Variants in BRWD1 observed in about 807,000 individuals in gnomAD.
BRWD1 encodes the protein bromodomain and WD repeat domain containing 1.
In BRWD1, 82 loss-of-function variants were observed where a neutral mutation model predicts 251.2. The observed-to-expected ratio is 0.33, with a 90% confidence interval of 0.27 to 0.39. The LOEUF (loss-of-function observed/expected upper bound fraction) is 0.39, where lower values mean the gene tolerates loss of function less well. Ranked by LOEUF, BRWD1 falls within the 10% of genes least tolerant of loss-of-function variation. The probability of loss-of-function intolerance (pLI) is 1.00; values close to 1 mark genes in which losing one functional copy is unlikely to be tolerated. For synonymous variants in BRWD1, 918 were observed against 902.8 expected, an observed-to-expected ratio of 1.02 and a Z score of -0.30; for missense variants, 2,233 against 2,711.6, an observed-to-expected ratio of 0.82 and a Z score of 3.92.
chr21:39,246,750 T>C (rs558798411), intron 21 of BRWD1, among the ~76,000 whole-genome samples: 7 of 152,236 alleles, frequency 4.6e-5, no homozygotes, highest in African/African-American at 7.2e-5. Flanking sequence ...GAGAAAACAT[T>C]ATGCAATGTC....
chr21:39,314,897 G>GA (rs1386669116), upstream of BRWD1: 1 of 153,754 alleles, frequency 6.5e-6, no homozygotes, highest in East Asian at 1.9e-4. Context: ...CTAGTAAACA[G>GA]ATAATATTTG....
At position 39,311,510 on chromosome 21, in the gene BRWD1, T is replaced by A. The variant is rs919824760; in HGVS notation, c.198+1331A>T. Among the ~76,000 whole-genome samples, 9 of 152,344 alleles carry A rather than the reference T, an allele frequency of 5.9e-5. No individual in the cohort carries two copies. In the East Asian group the frequency reaches 1.7e-3, roughly 29 times the overall value. ...CAGTAGTTACAGCACTACATTTGTT[T>A]CAAGTTATTTTCTCTCAGGTAGCAC... On this transcript the variant is annotated intron_variant, in intron 4 of 40. Transcript: ENST00000342449.
rs1383649664 is a variant in BRWD1 at position 39,274,568 on chromosome 21, G to A, written c.1146-96C>T. On this transcript the variant is annotated intron_variant, in intron 12 of 40. Transcript: ENST00000342449. ...TGCAAAAAAAGAATGTAATGAAGCTGTCCTAACAACAGGACAATCCACAGG... is the reference window on the plus strand; with the variant it reads ...TGCAAAAAAAGAATGTAATGAAGCTATCCTAACAACAGGACAATCCACAGG... The A allele has an allele frequency of 3.0e-6, 3 of 988,192 alleles. No individual in the cohort carries two copies. In the African/African-American group the frequency reaches 4.8e-5, roughly 16 times the overall value. 61.2% of individuals were successfully genotyped at this position (988,192 alleles called of 1,614,324 possible).
chr21:39,206,372 A>ACTGC (rs2032390840), intron 36 of BRWD1, 98 bp from the exon 37 acceptor site: 1 of 915,896 alleles, frequency 1.1e-6, no homozygotes, highest in Non-Finnish European at 1.6e-6. Context: ...GTATTATATC[A>ACTGC]CTGCTTATAG....
At chr21:39,304,245 AGTG>A (rs1435740917) in intron 4 of BRWD1, among the ~76,000 whole-genome samples, 3 of 150,972 alleles carry the variant, frequency 2.0e-5, no homozygotes, top group African/African-American at 7.4e-5. Context: ...AAAAAAAAAA[AGTG>A]AGAGAAAGAA....
chr21:39,205,049 T>A (rs528676930), intron 37 of BRWD1, among the ~76,000 whole-genome samples: 2 of 152,344 alleles, frequency 1.3e-5, no homozygotes, highest in Non-Finnish European at 2.9e-5. Context: ...ATTTTACATA[T>A]TTATAGAATT....
chr21:39,321,016 A>G (rs1418019802), intron 1 of BRWD1: 1 of 152,102 alleles, frequency 6.6e-6, no homozygotes, highest in African/African-American at 2.4e-5. Context: ...AAACCATCCA[A>G]TTAGCTTACC....
In BRWD1 at chr21:39,187,056, C is replaced by A; in HGVS notation, c.*9203G>T. 1 of 1,581,410 alleles carries A rather than the reference C, an allele frequency of 6.3e-7. No homozygotes were observed. The highest frequency in any genetic ancestry group is 8.6e-7 in the Non-Finnish European group (1 of 1,169,302). ...GTGCATTTTCTTTCCAGGATCTGAACCCCCTTAAAAAAAGCATTTTTCTAT... is the reference window on the plus strand; with the variant it reads ...GTGCATTTTCTTTCCAGGATCTGAAACCCCTTAAAAAAAGCATTTTTCTAT... On this transcript the variant is annotated 3_prime_UTR_variant, in exon 41 of 41. Transcript: ENST00000342449.
At position 39,245,892 on chromosome 21, in the gene BRWD1, G is replaced by A. The variant is rs190418681; in HGVS notation, c.2481+1809C>T. On this transcript the variant is annotated intron_variant, in intron 21 of 40. Transcript: ENST00000342449. The stretch of plus-strand genomic sequence containing the variant: ...CCTGGGATTACAGGCATGAGCCACC[G>A]TGCCCGGCCTATTAAATACTCTTTA... 7.9e-5 allele frequency among the ~76,000 whole-genome samples: 12 copies of A among 152,136 alleles called. No individual in the cohort carries two copies. In the East Asian group the frequency reaches 1.2e-3, roughly 15 times the overall value.
chr21:39,276,157 C>T lies in BRWD1; in HGVS notation c.1145+16G>A, dbSNP rs1175387717. 7 of 1,602,516 alleles carry T rather than the reference C, an allele frequency of 4.4e-6. No individual in the cohort carries two copies. Among genetic ancestry groups the T allele is most frequent in the Non-Finnish European group, 3.4e-6 (4 of 1,172,608 alleles). ...GCCTAATAACACACACACACACATA[C>T]AAAACACACACTTACCGATCACCAT... On this transcript the variant is annotated intron_variant, in intron 12 of 40. Transcript: ENST00000342449.
Position 39,196,723 on chromosome 21 carries a change from G to T in BRWD1, c.6346C>A (p.His2116Asn). Residue 2116 changes from histidine to asparagine, a missense_variant, in exon 41 of 41, where the codon CAT becomes AAT. Around this residue, in one of 12 missense-constraint regions of BRWD1, gnomAD observed 928 missense variants for 970.0 expected, o/e 0.96. Coordinates refer to ENST00000342449, the MANE Select transcript of BRWD1 (RefSeq NM_033656.4). ...KAPFSKTKVIHDSQETAEKEV... is the reference protein window; with the variant it reads ...KAPFSKTKVINDSQETAEKEV... ...TTCTCTGCTGTTTCCTGTGAATCAT[G>T]AATCACTTTTGTCTTACTAAAAGGA... 1.2e-6 allele frequency: 2 copies of T among 1,613,762 alleles called. No homozygotes were observed. The highest frequency in any genetic ancestry group is 1.7e-6 in the Non-Finnish European group (2 of 1,179,880).
chr21:39,295,442 C>T (rs151203145), intron 7 of BRWD1, among the ~76,000 whole-genome samples: 2,295 of 152,132 alleles, frequency 0.015, 53 homozygotes, highest in African/African-American at 0.052. Context: ...CTGTCTCGGC[C>T]GCCCAAAGTG....
At chr21:39,253,181 C>A (rs751783743) in intron 19 of BRWD1, among the ~76,000 whole-genome samples, 73 of 149,560 alleles carry the variant, frequency 4.9e-4, no homozygotes, top group Non-Finnish European at 9.2e-4. Flanking sequence ...CCCAGCTACT[C>A]TGGAGGCTGA....
chr21:39,264,768 A>G, intron 16 of BRWD1, 83 bp from the exon 17 acceptor site: 2 of 1,499,450 alleles, frequency 1.3e-6, no homozygotes, highest in African/African-American at 1.4e-5. Context: ...AATTAAAACT[A>G]GAAAAACAAG....
rs1241975633 is a variant in BRWD1 at position 39,195,836 on chromosome 21, T to G, written c.*423A>C. Reference sequence around the variant, plus strand: ...TATGCATGTATTTATGAAGAATCTGTAAACATAGGTTGTGAAATTGTTGTA... The same window carrying G: ...TATGCATGTATTTATGAAGAATCTGGAAACATAGGTTGTGAAATTGTTGTA... On this transcript the variant is annotated 3_prime_UTR_variant, in exon 41 of 41. Transcript: ENST00000342449. 1 of 988,312 alleles carries G rather than the reference T, an allele frequency of 1.0e-6. No individual in the cohort carries two copies. The highest frequency in any genetic ancestry group is 1.7e-5 in the African/African-American group (1 of 57,242). The allele number at this position is 988,312 out of a possible 1,614,324, so 61.2% of individuals were successfully genotyped here. A position where few individuals can be genotyped will look rare whatever the true frequency, so the allele number is the denominator to read the frequency against.
intron 31 of BRWD1, chr21:39,217,014 T>TATATATATATATATATATAA: frequency 5.1e-5 from 1 of 19,528 alleles, no homozygotes; most frequent in African/African-American, 2.0e-4. Flanking sequence ...CCCACAAATA[T>TATATATATATATATATATAA]ATATATATAT....
chr21:39,291,074 A>AT (rs1274560806), intron 8 of BRWD1, among the ~76,000 whole-genome samples: 1 of 152,146 alleles, frequency 6.6e-6, no homozygotes, highest in Admixed American at 6.5e-5. Flanking sequence ...ACAGTGAGCC[A>AT]TGACTGCACC....
chr21:39,218,403 G>T, intron 30 of BRWD1, 102 bp downstream of exon 30: 1 of 1,428,716 alleles, frequency 7.0e-7, no homozygotes, highest in Non-Finnish European at 9.4e-7. Flanking sequence ...CCAATACAAA[G>T]TGTAGAAAAG....
rs1474827853 is a variant in BRWD1 at position 39,192,617 on chromosome 21, T to TG, written c.*3641dup. On this transcript the variant is annotated 3_prime_UTR_variant, in exon 41 of 41. Transcript: ENST00000342449. Reference sequence around the variant, plus strand: ...TATTTGGTGACAACTGCAAGATACCTGATAAATAAATATATCAACTTACTA... The same window carrying TG: ...TATTTGGTGACAACTGCAAGATACCTGGATAAATAAATATATCAACTTACTA... 10 of 984,112 alleles carry TG rather than the reference T, an allele frequency of 1.0e-5. No individual in the cohort carries two copies. The African/African-American group carries it at 1.7e-4, about 17-fold the overall frequency. 61.0% of individuals were successfully genotyped at this position (984,112 alleles called of 1,614,324 possible). A position where few individuals can be genotyped will look rare whatever the true frequency, so the allele number is the denominator to read the frequency against.
Sources: gnomAD v4.1 joint callset for allele counts (sites outside exome capture counted in the v4.1 genomes callset) on GRCh38, gnomAD v4.1.1 for gene constraint, gnomAD v4.1.1 regional missense constraint, MANE v1.5 for transcripts, NCBI Gene and HGNC (gene_info 2026-07-23, HGNC 2026-07-21) for gene names.